Variants in KCNQ1 observed in about 807,000 individuals in gnomAD.
KCNQ1 encodes potassium voltage-gated channel subfamily KQT member 1.
KCNQ1 carries 49 observed loss-of-function variants against 72.4 expected under a neutral mutation model. The observed-to-expected ratio is 0.68, with a 90% CI of 0.54 to 0.86. The LOEUF (loss-of-function observed/expected upper bound fraction) is 0.86, where lower values mean the gene tolerates loss of function less well. Among genes scored for constraint, KCNQ1 ranks in the 40% least tolerant of loss-of-function variants. The probability of loss-of-function intolerance (pLI) is 0.00; values close to 1 mark genes in which losing one functional copy is unlikely to be tolerated. For synonymous variants in KCNQ1, 450 were observed against 412.6 expected, an observed-to-expected ratio of 1.09 and a Z score of -1.10; for missense variants, 790 against 945.1, an observed-to-expected ratio of 0.84 and a Z score of 2.15.
At chr11:2,701,225 G>C (rs149339745) in intron 11 of KCNQ1, among the ~76,000 whole-genome samples, 52 of 152,298 alleles carry the variant, frequency 3.4e-4, no homozygotes, top group African/African-American at 1.2e-3. Context: ...TGGGGGTTTT[G>C]TTGTTCTTCA....
At position 2,683,418 on chromosome 11, in the gene KCNQ1, C is replaced by T. The variant is rs1850431289; in HGVS notation, c.1514+21337C>T. ...TGGTTTGTCCAATGGCTAAGCTTTCCCCAGGAATGGGTAACTGGAAAAATG... is the reference window on the plus strand; with the variant it reads ...TGGTTTGTCCAATGGCTAAGCTTTCTCCAGGAATGGGTAACTGGAAAAATG... On this transcript the variant is annotated intron_variant, in intron 11 of 15. Transcript: ENST00000155840. The surrounding 1 kb of genome is among the most constrained non-coding windows in gnomAD (Gnocchi z 4.7). 1 of 398,470 alleles carries T rather than the reference C, an allele frequency of 2.5e-6. No homozygotes were observed. The highest frequency in any genetic ancestry group is 2.1e-5 in the African/African-American group (1 of 48,604). The allele number at this position is 398,470 out of a possible 1,614,324, so 24.7% of individuals were successfully genotyped here. A position where few individuals can be genotyped will look rare whatever the true frequency, so the allele number is the denominator to read the frequency against.
intron 2 of KCNQ1, among the ~76,000 whole-genome samples, chr11:2,557,813 GCAAAGAACTT>G (rs1187554268): frequency 6.6e-6 from 1 of 152,214 alleles, no homozygotes; most frequent in Non-Finnish European, 1.5e-5. Flanking sequence ...GGGAGGACTG[GCAAAGAACTT>G]CATAGGACTG....
chr11:2,457,266 C>T lies in KCNQ1; in HGVS notation c.386+11782C>T, dbSNP rs1362768382. On this transcript the variant is annotated intron_variant, in intron 1 of 15. Transcript: ENST00000155840. The surrounding 1 kb of genome is among the most constrained non-coding windows in gnomAD (Gnocchi z 5.0). ...ATTTCCCAAAGAACCAAGAGTTGAA[C>T]TACCATTCGATCCAGCAGTCCCGTG... 6.6e-6 allele frequency among the ~76,000 whole-genome samples: 1 copy of T among 152,168 alleles called. No individual in the cohort carries two copies. Among genetic ancestry groups the T allele is most frequent in the African/African-American group, 2.4e-5 (1 of 41,432 alleles).
intron 10 of KCNQ1, chr11:2,649,099 G>T: frequency 2.5e-6 from 1 of 393,568 alleles, no homozygotes; most frequent in Non-Finnish European, 4.4e-6. Context: ...GTCTATGGGT[G>T]TCTTTACAGG....
chr11:2,650,237 T>C (rs1849736097), intron 10 of KCNQ1: 4 of 398,482 alleles, frequency 1.0e-5, no homozygotes, highest in East Asian at 3.6e-5. Context: ...TTGTATCTCA[T>C]TGGGTTTCCT....
At chr11:2,744,782 C>G (rs1443517574) in intron 11 of KCNQ1, among the ~76,000 whole-genome samples, 1 of 152,238 alleles carries the variant, frequency 6.6e-6, no homozygotes, top group Admixed American at 6.5e-5. Context: ...TATAATTCAG[C>G]CTTTGTCATT....
Position 2,700,790 on chromosome 11 carries a change from G to A in KCNQ1, c.1514+38709G>A, listed in dbSNP as rs1203793692. Reference sequence around the variant, plus strand: ...CCTGCCCACCTCCCATCCCCCATCCGGGCGTGACACTTGACCGCGTCTGCC... The same window carrying A: ...CCTGCCCACCTCCCATCCCCCATCCAGGCGTGACACTTGACCGCGTCTGCC... On this transcript the variant is annotated intron_variant, in intron 11 of 15. Transcript: ENST00000155840. Among the ~76,000 whole-genome samples the A allele has an allele frequency of 2.9e-5, 4 of 138,716 alleles. No homozygotes were observed. The East Asian group carries it at 1.0e-3, about 35-fold the overall frequency. 91.0% of individuals were successfully genotyped at this position (138,716 alleles called of 152,430 possible).
chr11:2,465,155 T>C (rs1035998787), intron 1 of KCNQ1, among the ~76,000 whole-genome samples: 3 of 151,972 alleles, frequency 2.0e-5, no homozygotes, highest in Non-Finnish European at 4.4e-5. Context: ...TCCCAGAAGT[T>C]TTTTTATTTT....
In KCNQ1 at chr11:2,544,264, G is replaced by A. The variant is rs547052838; in HGVS notation, c.477+16246G>A. ...TGTGTGTGTGTATATATATATGTGT[G>A]TGTGTGTATATATATGTGTATATAT... On this transcript the variant is annotated intron_variant, in intron 2 of 15. Coordinates refer to ENST00000155840, the MANE Select transcript of KCNQ1 (RefSeq NM_000218.3). This position sits in a 1 kb window ranked among gnomAD's most constrained non-coding sequence, Gnocchi z 4.4. Among the ~76,000 whole-genome samples, 57,386 of 137,112 alleles carry A rather than the reference G, an allele frequency of 0.42. 13,957 individuals carry two copies. The highest frequency in any genetic ancestry group is 0.68 in the African/African-American group (23,915 of 35,046). The allele number at this position is 137,112 out of a possible 152,430, so 90.0% of individuals were successfully genotyped here.
chr11:2,619,183 T>C (rs2133801404), intron 10 of KCNQ1: 1 of 398,532 alleles, frequency 2.5e-6, no homozygotes, highest in East Asian at 3.6e-5. Context: ...TTCTTGTCTG[T>C]TTGGTTGTAC....
chr11:2,760,949 C>G (rs945112601), intron 11 of KCNQ1, among the ~76,000 whole-genome samples: 8 of 152,206 alleles, frequency 5.3e-5, no homozygotes, highest in African/African-American at 1.9e-4. Flanking sequence ...ACAGGGTGCT[C>G]TTTAGTTTAG....
chr11:2,755,189 C>T (rs1403406921), intron 11 of KCNQ1, among the ~76,000 whole-genome samples: 1 of 151,704 alleles, frequency 6.6e-6, no homozygotes, highest in Non-Finnish European at 1.5e-5. Flanking sequence ...CATTTTTTTT[C>T]GTAATCACAG....
chr11:2,630,697 C>G (rs2133815817), intron 10 of KCNQ1: 1 of 398,316 alleles, frequency 2.5e-6, no homozygotes, highest in Non-Finnish European at 4.4e-6. Flanking sequence ...CATATGTTTT[C>G]ATGTTACTAA....
At chr11:2,798,950 A>G (rs1425459047) in intron 15 of KCNQ1, among the ~76,000 whole-genome samples, 5 of 152,174 alleles carry the variant, frequency 3.3e-5, no homozygotes, top group Non-Finnish European at 7.3e-5. Context: ...GAAGGAGAGC[A>G]GAGGGTACCC....
rs141868158 is a variant in KCNQ1, at chr11:2,563,060, G to A, written c.478-7568G>A. ...AGAGAGACAGGATGTGAGCGCAGCT[G>A]GTCAGAACCAGTTATTTCAGGCTGC... is the stretch of plus-strand genomic sequence containing the variant. On this transcript the variant is annotated intron_variant, in intron 2 of 15. Transcript: ENST00000155840. This position sits in a 1 kb window ranked among gnomAD's most constrained non-coding sequence, Gnocchi z 7.4. 1.5e-3 allele frequency among the ~76,000 whole-genome samples: 222 copies of A among 152,270 alleles called. 1 individual carries two copies. In the East Asian group the frequency reaches 0.041, roughly 28 times the overall value.
chr11:2,647,218 T>C lies in KCNQ1; in HGVS notation c.1394-14743T>C, dbSNP rs918436857. ...AATTTTATCAGATGCTTTTTCTGCA[T>C]CTATTGAGATGATCATGTATTTTTT... is the stretch of plus-strand genomic sequence containing the variant. On this transcript the variant is annotated intron_variant, in intron 10 of 15. Transcript: ENST00000155840. This position sits in a 1 kb window ranked among gnomAD's most constrained non-coding sequence, Gnocchi z 4.0. The C allele has an allele frequency of 2.5e-6, 1 of 398,420 alleles. No individual in the cohort carries two copies. The highest frequency in any genetic ancestry group is 2.1e-5 in the African/African-American group (1 of 48,628). 24.7% of individuals were successfully genotyped at this position (398,420 alleles called of 1,614,324 possible).
In KCNQ1 at chr11:2,595,697, C is replaced by CAAG. The variant is rs3032764; in HGVS notation, c.1393+6845_1393+6847dup. 0.28 allele frequency among the ~76,000 whole-genome samples: 42,120 copies of CAAG among 151,896 alleles called. 9,038 individuals are homozygous for CAAG. The highest frequency in any genetic ancestry group is 0.59 in the African/African-American group (24,226 of 41,300). On this transcript the variant is annotated intron_variant, in intron 10 of 15. Transcript: ENST00000155840. This position sits in a 1 kb window ranked among gnomAD's most constrained non-coding sequence, Gnocchi z 5.0. ...ATCCAAGACCTCTGATGGAGATGTA[C>CAAG]AAGATTAGTGTTGTTCTTATGGCTG...
Position 2,475,291 on chromosome 11 carries a change from G to C in KCNQ1, c.386+29807G>C, listed in dbSNP as rs181207931. ...ACCGAGCGTCCTGTCTTCACTGTCCGCCGTGTTATAACACGCAAGGGAATT... is the reference window on the plus strand; with the variant it reads ...ACCGAGCGTCCTGTCTTCACTGTCCCCCGTGTTATAACACGCAAGGGAATT... On this transcript the variant is annotated intron_variant, in intron 1 of 15. Coordinates refer to ENST00000155840, the MANE Select transcript of KCNQ1 (RefSeq NM_000218.3). This position sits in a 1 kb window ranked among gnomAD's most constrained non-coding sequence, Gnocchi z 5.8. 2.0e-5 allele frequency among the ~76,000 whole-genome samples: 3 copies of C among 152,004 alleles called. No individual in the cohort carries two copies. Among genetic ancestry groups the C allele is most frequent in the Admixed American group, 6.6e-5 (1 of 15,250 alleles).
rs1432189787 is a variant in KCNQ1 at position 2,565,070 on chromosome 11, A to G, written c.478-5558A>G. On this transcript the variant is annotated intron_variant, in intron 2 of 15. Transcript: ENST00000155840. The surrounding 1 kb of genome is among the most constrained non-coding windows in gnomAD (Gnocchi z 5.6). ...ATGGGTGTGTATGGATCTCCTTTAA[A>G]GAGACCGGGGACAGACTCCAAAGTG... is the stretch of plus-strand genomic sequence containing the variant. Among the ~76,000 whole-genome samples, 2 of 152,208 alleles carry G rather than the reference A, an allele frequency of 1.3e-5. No homozygotes were observed. Among genetic ancestry groups the G allele is most frequent in the African/African-American group, 4.8e-5 (2 of 41,460 alleles).
Sources: allele counts gnomAD v4.1 joint callset (sites outside exome capture counted in the v4.1 genomes callset), GRCh38; gene constraint gnomAD v4.1.1; non-coding constraint Gnocchi (gnomAD v3.1); transcripts MANE v1.5; gene names NCBI Gene and HGNC (gene_info 2026-07-23, HGNC 2026-07-21).